Variants in RNF43 observed in about 807,000 individuals in gnomAD.
RNF43 encodes the protein ring finger protein 43.
In RNF43, 37 loss-of-function variants were observed where a neutral mutation model predicts 78.4. The ratio of observed to expected loss-of-function variants is 0.47; its 90% CI spans 0.36 to 0.62. The LOEUF is 0.62. Ranked by LOEUF, RNF43 falls within the 20% of genes least tolerant of loss-of-function variation. The pLI, the probability that RNF43 is intolerant of heterozygous loss-of-function variation, is 0.00. For missense variants in RNF43, 774 were observed against 1,007.9 expected, an observed-to-expected ratio of 0.77 and a Z score of 3.14; for synonymous variants, 347 against 395.0, an observed-to-expected ratio of 0.88 and a Z score of 1.44.
chr17:58,356,999 T>G, intron 9 of RNF43: 1 of 546,820 alleles, frequency 1.8e-6, no homozygotes, highest in East Asian at 3.2e-5. Context: ...GTTCACGCGA[T>G]TCTCCTGCCT....
intron 2 of RNF43, among the ~76,000 whole-genome samples, chr17:58,397,200 T>C (rs1973701058): frequency 6.6e-6 from 1 of 152,162 alleles, no homozygotes; most frequent in Non-Finnish European, 1.5e-5. Flanking sequence ...AAACAATTCA[T>C]CAACTAGGAT....
At chr17:58,412,563 A>G (rs928470126) in intron 2 of RNF43, among the ~76,000 whole-genome samples, 6 of 149,640 alleles carry the variant, frequency 4.0e-5, no homozygotes. Context: ...GCCCTTATAC[A>G]TACAGCCATC....
chr17:58,358,252 TA>T lies in RNF43; in HGVS notation c.1523del (p.Leu508GlnfsTer19). 6.2e-7 allele frequency: 1 copy of T among 1,613,808 alleles called. No homozygotes were observed. The highest frequency in any genetic ancestry group is 8.5e-7 in the Non-Finnish European group (1 of 1,179,940). ...GATCCCCTTTAGGGCTGCAGTACAC[TA>T]GGGGGTCAAAGTCACTGCTTAGGGA... ...CSSLSSDFDP[L>X]VYCSPKGDPQ... On this transcript the variant is annotated frameshift_variant, in exon 9 of 10. Coordinates refer to ENST00000407977, the MANE Select transcript of RNF43 (RefSeq NM_017763.6). LOFTEE classifies it high-confidence loss of function. The surrounding 1 kb of genome is among the most constrained non-coding windows in gnomAD (Gnocchi z 6.2).
intron 2 of RNF43, among the ~76,000 whole-genome samples, chr17:58,401,488 G>A (rs538755404): frequency 6.6e-6 from 1 of 152,304 alleles, no homozygotes; most frequent in South Asian, 2.1e-4. Context: ...TGATTCCATT[G>A]TCTCTGCCAG....
At chr17:58,390,133 G>A (rs1420655111) in intron 2 of RNF43, among the ~76,000 whole-genome samples, 1 of 152,084 alleles carries the variant, frequency 6.6e-6, no homozygotes, top group Non-Finnish European at 1.5e-5. Flanking sequence ...AATCAGCAAA[G>A]AAAATGTGGA....
At chr17:58,371,482 G>A (rs141495259) in intron 2 of RNF43, among the ~76,000 whole-genome samples, 101 of 152,360 alleles carry the variant, frequency 6.6e-4, no homozygotes, top group Non-Finnish European at 1.1e-3. Context: ...CATGGGCAGT[G>A]CTGGATGCTG....
chr17:58,404,566 C>T (rs990220950), intron 2 of RNF43, among the ~76,000 whole-genome samples: 1 of 152,138 alleles, frequency 6.6e-6, no homozygotes, highest in Non-Finnish European at 1.5e-5. Context: ...CACAGTGGAT[C>T]GGTACATTCT....
chr17:58,383,053 A>G (rs1437642683), intron 2 of RNF43, among the ~76,000 whole-genome samples: 1 of 152,242 alleles, frequency 6.6e-6, no homozygotes, highest in Non-Finnish European at 1.5e-5. Context: ...GCTTCAGGCC[A>G]TAGTGTCAGC....
chr17:58,397,058 AC>A (rs1478149522), intron 2 of RNF43, among the ~76,000 whole-genome samples: 17 of 147,954 alleles, frequency 1.1e-4, no homozygotes, highest in Non-Finnish European at 2.1e-4. Flanking sequence ...AAAAAAAAAA[AC>A]TCCGTGTGTG....
At position 58,360,735 on chromosome 17, in the gene RNF43, C is replaced by T. The variant is rs200568776; in HGVS notation, c.849+48G>A. Reference sequence around the variant, plus strand: ...GGCCTGCCCACCCCTCCCCCAGCTTCAATCTCCCCAGTCTGGTCATGGAGG... The same window carrying T: ...GGCCTGCCCACCCCTCCCCCAGCTTTAATCTCCCCAGTCTGGTCATGGAGG... On this transcript the variant is annotated intron_variant, in intron 7 of 9. Transcript: ENST00000407977. This position sits in a 1 kb window ranked among gnomAD's most constrained non-coding sequence, Gnocchi z 4.3. 3.3e-6 allele frequency: 5 copies of T among 1,533,544 alleles called. No individual in the cohort carries two copies. In the African/African-American group the frequency reaches 6.9e-5, roughly 21 times the overall value. The allele number at this position is 1,533,544 out of a possible 1,614,324, so 95.0% of individuals were successfully genotyped here.
In RNF43 at chr17:58,363,383, G is replaced by C. The variant is rs1326122060; in HGVS notation, c.474C>G (p.Thr158=). The C allele has an allele frequency of 6.2e-7, 1 of 1,614,162 alleles. No homozygotes were observed. Among genetic ancestry groups the C allele is most frequent in the Non-Finnish European group, 8.5e-7 (1 of 1,180,014 alleles). ...AEQLQQPLGL[T]WPVVLIWGND... Reference sequence around the variant, plus strand: ...TACCCCAGATCAACACCACTGGCCAGGTCAGCCCCAGCGGCTGCTGCAGCT... The same window carrying C: ...TACCCCAGATCAACACCACTGGCCACGTCAGCCCCAGCGGCTGCTGCAGCT... Residue 158 remains threonine, a synonymous_variant, in exon 5 of 10, where the codon ACC becomes ACG. Coordinates refer to ENST00000407977, the MANE Select transcript of RNF43 (RefSeq NM_017763.6).
At position 58,363,366 on chromosome 17, in the gene RNF43, A is replaced by G; in HGVS notation, c.491T>C (p.Ile164Thr). 6.2e-7 allele frequency: 1 copy of G among 1,614,124 alleles called. No homozygotes were observed. Among genetic ancestry groups the G allele is most frequent in the East Asian group, 2.2e-5 (1 of 44,882 alleles). The part of the protein sequence containing the change: ...PLGLTWPVVL[I>T]WGNDAEKLME... ...CAGCTTCTCAGCGTCATTACCCCAG[A>G]TCAACACCACTGGCCAGGTCAGCCC... The change falls in exon 5 of 10, where the codon ATC (isoleucine) becomes ACC (threonine). Residue 164 changes from isoleucine to threonine, a missense_variant. Transcript: ENST00000407977.
At chr17:58,380,458 A>C (rs1241726245) in intron 2 of RNF43, among the ~76,000 whole-genome samples, 3 of 152,250 alleles carry the variant, frequency 2.0e-5, no homozygotes, top group Non-Finnish European at 4.4e-5. Context: ...TGCTACTTGC[A>C]AACAGCCTTG....
chr17:58,391,919 AC>A (rs1567890418), intron 2 of RNF43, among the ~76,000 whole-genome samples: 1 of 152,156 alleles, frequency 6.6e-6, no homozygotes, highest in Non-Finnish European at 1.5e-5. Context: ...GGCCAGGAGA[AC>A]CAGATTCCTT....
chr17:58,416,155 A>T (rs769880682), intron 1 of RNF43, 193 bp from the exon 2 acceptor site: 12 of 161,858 alleles, frequency 7.4e-5, no homozygotes, highest in Non-Finnish European at 1.4e-4. Context: ...GAACAATAAT[A>T]AAAATTTCAG....
At chr17:58,415,286 C>T (rs1974099031) in intron 2 of RNF43, 40 bp downstream of exon 2, 2 of 1,607,572 alleles carry the variant, frequency 1.2e-6, no homozygotes, top group African/African-American at 2.7e-5. Flanking sequence ...AGACATATTT[C>T]AAACAGATGG....
At chr17:58,402,798 C>T (rs1973832857) in intron 2 of RNF43, 1 of 152,072 alleles carries the variant, frequency 6.6e-6, no homozygotes, top group South Asian at 2.1e-4. Flanking sequence ...TAAGTTCTTC[C>T]TTGATTTACC....
chr17:58,384,236 T>C (rs1037419712), intron 2 of RNF43, among the ~76,000 whole-genome samples: 2 of 152,226 alleles, frequency 1.3e-5, no homozygotes, highest in African/African-American at 4.8e-5. Flanking sequence ...AGTTATCAAG[T>C]TGGCTCTGAT....
At chr17:58,364,677 C>T (rs1238790797) in intron 3 of RNF43, among the ~76,000 whole-genome samples, 1 of 152,194 alleles carries the variant, frequency 6.6e-6, no homozygotes, top group East Asian at 1.9e-4. Context: ...ATTTTACATC[C>T]CTGGGCACCG....
Sources: allele counts gnomAD v4.1 joint callset (sites outside exome capture counted in the v4.1 genomes callset), GRCh38; gene constraint gnomAD v4.1.1; non-coding constraint Gnocchi (gnomAD v3.1); transcripts MANE v1.5; gene names NCBI Gene and HGNC (gene_info 2026-07-23, HGNC 2026-07-21).